EIF4EBP2: variants seen among roughly 807,000 people sequenced by gnomAD.
EIF4EBP2 encodes eukaryotic translation initiation factor 4E-binding protein 2.
In EIF4EBP2, 5 loss-of-function variants were observed where a neutral mutation model predicts 10.3. The ratio of observed to expected loss-of-function variants is 0.48; its 90% CI spans 0.25 to 1.02. The LOEUF (loss-of-function observed/expected upper bound fraction) is 1.02. EIF4EBP2 is among the 50% of genes least tolerant of loss of function. EIF4EBP2 has a pLI of 0.15. For missense variants in EIF4EBP2, 188 were observed against 162.2 expected (o/e 1.16, Z -0.86); for synonymous variants, 67 against 61.1 (o/e 1.10, Z -0.45).
intron 2 of EIF4EBP2, 89 bp from the exon 3 acceptor site, chr10:70,421,627 T>C: frequency 8.4e-7 from 1 of 1,188,486 alleles, no homozygotes; most frequent in Non-Finnish European, 1.2e-6. Context: ...TGAATTACTT[T>C]TTGTCTCTCA....
rs368814782 is a variant in EIF4EBP2, at chr10:70,404,668, G to A, written c.145+122G>A. On this transcript the variant is annotated intron_variant, in intron 1 of 2. Coordinates refer to ENST00000373218, the MANE Select transcript of EIF4EBP2 (RefSeq NM_004096.5). ...GCTCCACCGAAGCCCCGGGGACGCT[G>A]CCCTTGGGCCCGCCCGAGCGTTCGG... The A allele has an allele frequency of 2.5e-4, 321 of 1,270,564 alleles. 4 individuals are homozygous for A. In the East Asian group the frequency reaches 7.4e-3, roughly 29 times the overall value. The allele number at this position is 1,270,564 out of a possible 1,614,324, so 78.7% of individuals were successfully genotyped here.
In EIF4EBP2 at chr10:70,425,966, G is replaced by T. The variant is rs1845202236; in HGVS notation, c.*4219G>T. ...GACTCAGGTCAGGTCTCTCACCCAG[G>T]AAGCAACCACTCAATAAAATAGAGA... On this transcript the variant is annotated 3_prime_UTR_variant, in exon 3 of 3. Coordinates refer to ENST00000373218, the MANE Select transcript of EIF4EBP2 (RefSeq NM_004096.5). 6.6e-6 allele frequency: 1 copy of T among 152,210 alleles called. No individual in the cohort carries two copies. Among genetic ancestry groups the T allele is most frequent in the African/African-American group, 2.4e-5 (1 of 41,436 alleles). The allele number at this position is 152,210 out of a possible 1,614,324, so 9.4% of individuals were successfully genotyped here. A position where few individuals can be genotyped will look rare whatever the true frequency, so the allele number is the denominator to read the frequency against.
chr10:70,418,469 A>G (rs1845120767), intron 1 of EIF4EBP2, among the ~76,000 whole-genome samples: 3 of 152,190 alleles, frequency 2.0e-5, no homozygotes, highest in Admixed American at 2.0e-4. Context: ...TGACCATCCG[A>G]ACTCTGTATA....
chr10:70,412,649 T>C (rs1371908700), intron 1 of EIF4EBP2, among the ~76,000 whole-genome samples: 1 of 152,196 alleles, frequency 6.6e-6, no homozygotes, highest in Non-Finnish European at 1.5e-5. Context: ...TTGACCTTCT[T>C]GTTGTTTTCT....
At chr10:70,415,236 A>G (rs1354076766) in intron 1 of EIF4EBP2, among the ~76,000 whole-genome samples, 1 of 152,178 alleles carries the variant, frequency 6.6e-6, no homozygotes, top group Non-Finnish European at 1.5e-5. Context: ...GAATAACTTT[A>G]GTCACAAAGC....
At position 70,424,467 on chromosome 10, in the gene EIF4EBP2, A is replaced by G. The variant is rs1234082531; in HGVS notation, c.*2720A>G. On this transcript the variant is annotated 3_prime_UTR_variant, in exon 3 of 3. Transcript: ENST00000373218. ...ATGAGATAAACTTTCAATAGATGAT[A>G]CCTTTGTGTCATGCCTCATGGAATT... is the stretch of plus-strand genomic sequence containing the variant. 6.6e-6 allele frequency: 1 copy of G among 152,194 alleles called. No individual in the cohort carries two copies. Among genetic ancestry groups the G allele is most frequent in the Non-Finnish European group, 1.5e-5 (1 of 68,034 alleles). The allele number at this position is 152,194 out of a possible 1,614,324, so 9.4% of individuals were successfully genotyped here.
intron 1 of EIF4EBP2, among the ~76,000 whole-genome samples, chr10:70,415,301 C>T (rs1470759130): frequency 1.3e-5 from 2 of 152,088 alleles, no homozygotes; most frequent in Non-Finnish European, 2.9e-5. Context: ...TTAAAGAAGA[C>T]CCAAATAAGT....
chr10:70,406,262 T>G (rs925613651), intron 1 of EIF4EBP2, among the ~76,000 whole-genome samples: 7 of 152,218 alleles, frequency 4.6e-5, no homozygotes, highest in Non-Finnish European at 7.3e-5. Flanking sequence ...CGTGAGCCAC[T>G]GCACCCGGCC....
intron 2 of EIF4EBP2, 84 bp from the exon 3 acceptor site, chr10:70,421,632 C>T: frequency 8.1e-7 from 1 of 1,227,000 alleles, no homozygotes; most frequent in Non-Finnish European, 1.2e-6. Context: ...TACTTTTTGT[C>T]TCTCATTTAG....
intron 1 of EIF4EBP2, among the ~76,000 whole-genome samples, chr10:70,406,953 A>G (rs530737813): frequency 3.3e-5 from 5 of 152,254 alleles, no homozygotes; most frequent in African/African-American, 9.6e-5. Context: ...GCTGGAGTGC[A>G]GTGGCGCGAT....
intron 1 of EIF4EBP2, among the ~76,000 whole-genome samples, chr10:70,405,709 C>T (rs1388403620): frequency 6.6e-6 from 1 of 152,174 alleles, no homozygotes; most frequent in East Asian, 1.9e-4. Context: ...ATCCTTAAAT[C>T]AGTTGCACAA....
At chr10:70,406,705 A>G (rs998584118) in intron 1 of EIF4EBP2, among the ~76,000 whole-genome samples, 1 of 150,902 alleles carries the variant, frequency 6.6e-6, no homozygotes, top group South Asian at 2.1e-4. Flanking sequence ...TCTGCCAGAA[A>G]TACTAATTCA....
At position 70,428,239 on chromosome 10, in the gene EIF4EBP2, G is replaced by A. The variant is rs1004552771; in HGVS notation, c.*6492G>A. 1.1e-4 allele frequency: 17 copies of A among 151,772 alleles called. No homozygotes were observed. The highest frequency in any genetic ancestry group is 3.4e-4 in the African/African-American group (14 of 41,280). The allele number at this position is 151,772 out of a possible 1,614,324, so 9.4% of individuals were successfully genotyped here. A position where few individuals can be genotyped will look rare whatever the true frequency, so the allele number is the denominator to read the frequency against. The stretch of plus-strand genomic sequence containing the variant: ...CTTGAAGAGCCCAGAGGACACTCAC[G>A]TGCTAAGGTGTCCATTTTATGCATC... On this transcript the variant is annotated 3_prime_UTR_variant, in exon 3 of 3. Coordinates refer to ENST00000373218, the MANE Select transcript of EIF4EBP2 (RefSeq NM_004096.5).
intron 1 of EIF4EBP2, among the ~76,000 whole-genome samples, chr10:70,407,157 CGCAGAGGGGGATTTG>C (rs910750390): frequency 2.8e-5 from 4 of 143,458 alleles, no homozygotes; most frequent in African/African-American, 1.0e-4. Context: ...GGGTGTTTCT[CGCAGAGGGGGATTTG>C]GCAGGGTCAC....
Position 70,404,174 on chromosome 10 carries a change from C to T in EIF4EBP2, c.-228C>T, listed in dbSNP as rs911713706. Among the ~76,000 whole-genome samples the T allele has an allele frequency of 5.9e-5, 9 of 152,248 alleles. No homozygotes were observed. The highest frequency in any genetic ancestry group is 1.9e-4 in the African/African-American group (8 of 41,474). On this transcript the variant is annotated 5_prime_UTR_variant, in exon 1 of 3. Coordinates refer to ENST00000373218, the MANE Select transcript of EIF4EBP2 (RefSeq NM_004096.5). ...CCGGTCGTCGTCGTCGCCGCTGCTGCCGCTGCTGTTGCTCCTGAGGCTGCT... is the reference window on the plus strand; with the variant it reads ...CCGGTCGTCGTCGTCGCCGCTGCTGTCGCTGCTGTTGCTCCTGAGGCTGCT...
intron 1 of EIF4EBP2, among the ~76,000 whole-genome samples, chr10:70,416,760 G>A (rs1845100759): frequency 6.6e-6 from 1 of 151,182 alleles, no homozygotes; most frequent in Admixed American, 6.6e-5. Context: ...CATCTCCTGG[G>A]CTTAAGTGAT....
chr10:70,404,642 A>G, intron 1 of EIF4EBP2, 96 bp downstream of exon 1: 2 of 1,372,516 alleles, frequency 1.5e-6, no homozygotes, highest in Non-Finnish European at 1.9e-6. Context: ...CCCCGCCCCC[A>G]GCTCCACCGA....
At chr10:70,415,564 G>C (rs1214479165) in intron 1 of EIF4EBP2, among the ~76,000 whole-genome samples, 1 of 152,200 alleles carries the variant, frequency 6.6e-6, no homozygotes, top group African/African-American at 2.4e-5. Flanking sequence ...TGGGGTACTA[G>C]CATATGGATA....
Position 70,422,513 on chromosome 10 carries a change from G to C in EIF4EBP2, c.*766G>C, listed in dbSNP as rs1273666304. Reference sequence around the variant, plus strand: ...ATCAGAAGAGAGCCCTTGGTAACCAGTTTTGCTCTTCTTCTGCCACTCCTC... The same window carrying C: ...ATCAGAAGAGAGCCCTTGGTAACCACTTTTGCTCTTCTTCTGCCACTCCTC... On this transcript the variant is annotated 3_prime_UTR_variant, in exon 3 of 3. Coordinates refer to ENST00000373218, the MANE Select transcript of EIF4EBP2 (RefSeq NM_004096.5). The C allele has an allele frequency of 6.6e-6, 1 of 151,992 alleles. No homozygotes were observed. The highest frequency in any genetic ancestry group is 2.4e-5 in the African/African-American group (1 of 41,398). 9.4% of individuals were successfully genotyped at this position (151,992 alleles called of 1,614,324 possible).
Sources: allele counts gnomAD v4.1 joint callset (sites outside exome capture counted in the v4.1 genomes callset), GRCh38; gene constraint gnomAD v4.1.1; transcripts MANE v1.5; gene names NCBI Gene and HGNC (gene_info 2026-07-23, HGNC 2026-07-21).